Variants in SNX29 observed in about 807,000 individuals in gnomAD.
The protein encoded by SNX29 is sorting nexin-29.
In SNX29, 78 loss-of-function variants were observed where a neutral mutation model predicts 102.1. The ratio of observed to expected loss-of-function variants is 0.76; its 90% CI spans 0.64 to 0.92. SNX29 has a LOEUF of 0.92. SNX29 is among the 40% of genes least tolerant of loss of function. SNX29 has a pLI of 0.00. For missense variants in SNX29, 1,280 were observed against 1,061.7 expected (o/e 1.21, Z -2.86); for synonymous variants, 580 against 414.5 (o/e 1.40, Z -4.85).
At chr16:12,224,652 C>G (rs1290210464) in intron 14 of SNX29, among the ~76,000 whole-genome samples, 1 of 152,180 alleles carries the variant, frequency 6.6e-6, no homozygotes, top group Non-Finnish European at 1.5e-5. Context: ...TTCTAAAGAG[C>G]CTACATGTGC....
At chr16:12,135,174 T>C (rs1353862457) in intron 13 of SNX29, among the ~76,000 whole-genome samples, 1 of 152,238 alleles carries the variant, frequency 6.6e-6, no homozygotes, top group Non-Finnish European at 1.5e-5. Context: ...TTTGTTTCAC[T>C]CAGTCCACAA....
chr16:12,551,331 A>G (rs929186928), intron 20 of SNX29, among the ~76,000 whole-genome samples: 3 of 152,222 alleles, frequency 2.0e-5, no homozygotes, highest in Non-Finnish European at 4.4e-5. Context: ...CCTCAGAGAT[A>G]TGTGGAATCA....
intron 14 of SNX29, among the ~76,000 whole-genome samples, chr16:12,274,185 G>T (rs1040475133): frequency 1.2e-4 from 19 of 152,196 alleles, no homozygotes; most frequent in Non-Finnish European, 2.2e-4. Flanking sequence ...TTGCCTGGGT[G>T]TATAAGGCTC....
chr16:12,029,798 G>A, intron 4 of SNX29: 3 of 348,192 alleles, frequency 8.6e-6, no homozygotes, highest in South Asian at 6.6e-5. Context: ...CACCATGTTG[G>A]CCAGGCTGGT....
intron 19 of SNX29, among the ~76,000 whole-genome samples, chr16:12,504,404 T>G (rs1027363064): frequency 3.3e-5 from 5 of 151,564 alleles, no homozygotes; most frequent in African/African-American, 1.2e-4. Flanking sequence ...CTCTCCCCAT[T>G]TCTCCCCAAC....
rs2082132376 is a variant in SNX29, at chr16:12,356,246, G to T, written c.1866G>T (p.Gln622His). ...TAGCCAAGGAAGCCCTCGTGTCCCA[G>T]ATGAGGCAGGAGCTCATCGATCTCC... The part of the protein sequence containing the change: ...ALVAKEALVS[Q>H]MRQELIDLRG... The change falls in exon 16 of 21, where the codon CAG becomes CAT. Residue 622 changes from glutamine (Q) to histidine (H), a missense_variant. Transcript: ENST00000566228. 1 of 1,612,010 alleles carries T rather than the reference G, an allele frequency of 6.2e-7. No homozygotes were observed. The highest frequency in any genetic ancestry group is 1.3e-5 in the African/African-American group (1 of 74,894).
At chr16:12,058,189 A>C (rs1337196140) in intron 8 of SNX29, among the ~76,000 whole-genome samples, 1 of 152,166 alleles carries the variant, frequency 6.6e-6, no homozygotes, top group Non-Finnish European at 1.5e-5. Context: ...CAACTGTGTA[A>C]AGAATAGTCC....
At chr16:12,071,446 T>C (rs2051298542) in intron 10 of SNX29, among the ~76,000 whole-genome samples, 1 of 152,204 alleles carries the variant, frequency 6.6e-6, no homozygotes, top group South Asian at 2.1e-4. Flanking sequence ...CCAATGCTTG[T>C]TTTTCTCAGG....
At chr16:12,568,286 G>A (rs2079097206) in intron 20 of SNX29, among the ~76,000 whole-genome samples, 1 of 138,410 alleles carries the variant, frequency 7.2e-6, no homozygotes, top group African/African-American at 2.8e-5. Flanking sequence ...AAGCTTGGTT[G>A]GAGCCTCGGA....
At chr16:12,470,370 G>T (rs1017269304) in intron 18 of SNX29, among the ~76,000 whole-genome samples, 3 of 152,206 alleles carry the variant, frequency 2.0e-5, no homozygotes, top group African/African-American at 7.2e-5. Flanking sequence ...GGGTTTCTCT[G>T]TGGGGTCTGA....
chr16:12,501,634 A>G (rs993171087), intron 19 of SNX29, among the ~76,000 whole-genome samples: 4 of 150,218 alleles, frequency 2.7e-5, no homozygotes, highest in Non-Finnish European at 5.9e-5. Flanking sequence ...AGGCAGGAGA[A>G]TCACTTGAAC....
At chr16:12,135,812 G>C (rs2054638478) in intron 13 of SNX29, 7 of 375,942 alleles carry the variant, frequency 1.9e-5, no homozygotes, top group South Asian at 1.4e-4. Context: ...GGTTATTAGA[G>C]ATTGGAGCAC....
intron 15 of SNX29, among the ~76,000 whole-genome samples, chr16:12,279,886 G>A (rs1264983058): frequency 1.3e-5 from 2 of 152,192 alleles, no homozygotes; most frequent in African/African-American, 4.8e-5. Flanking sequence ...TTCCTCTGGG[G>A]GAACAAGGGT....
intron 15 of SNX29, among the ~76,000 whole-genome samples, chr16:12,350,343 C>T (rs963021414): frequency 1.3e-5 from 2 of 152,194 alleles, no homozygotes; most frequent in African/African-American, 2.4e-5. Context: ...ATAGCACTTA[C>T]ATCATATCAG....
chr16:12,196,444 G>A (rs763460635), intron 13 of SNX29, among the ~76,000 whole-genome samples: 7 of 152,052 alleles, frequency 4.6e-5, no homozygotes, highest in Non-Finnish European at 1.0e-4. Flanking sequence ...CACTACATAC[G>A]TATGGATCTC....
intron 14 of SNX29, among the ~76,000 whole-genome samples, chr16:12,231,657 TAGGC>T (rs2077774680): frequency 6.6e-6 from 1 of 152,256 alleles, no homozygotes; most frequent in African/African-American, 2.4e-5. Flanking sequence ...TGTGGTCTCA[TAGGC>T]AGAATTGTTG....
In SNX29 at chr16:12,243,763, C is replaced by G. The variant is rs114252944; in HGVS notation, c.1679-34170C>G. ...TGGGGGCCTGGTGGGCTCATTCACC[C>G]TCTCAGAGCACCAGGTGGCTTCTCT... is the stretch of plus-strand genomic sequence containing the variant. On this transcript the variant is annotated intron_variant, in intron 14 of 20. Coordinates refer to ENST00000566228, the MANE Select transcript of SNX29 (RefSeq NM_032167.5). 4.0e-3 allele frequency among the ~76,000 whole-genome samples: 605 copies of G among 152,332 alleles called. 4 individuals carry two copies. Among genetic ancestry groups the G allele is most frequent in the African/African-American group, 0.014 (577 of 41,572 alleles).
chr16:12,106,686 G>A (rs1036490140), intron 11 of SNX29, among the ~76,000 whole-genome samples: 2 of 147,782 alleles, frequency 1.4e-5, no homozygotes, highest in Non-Finnish European at 3.0e-5. Flanking sequence ...TCACTGTGTT[G>A]CCTAGGCTTA....
rs200433270 is a variant in SNX29 at position 12,031,076 on chromosome 16, A to AT, written c.247+3644dup. ...AGTAATTTAGATGATTCAGTTCTGT[A>AT]TTTTTTTTTTTTCTGAGACAATGTC... On this transcript the variant is annotated intron_variant, in intron 4 of 20. Coordinates refer to ENST00000566228, the MANE Select transcript of SNX29 (RefSeq NM_032167.5). Among the ~76,000 whole-genome samples the AT allele has an allele frequency of 6.5e-3, 937 of 143,860 alleles. 19 individuals are homozygous for AT. Among genetic ancestry groups the AT allele is most frequent in the East Asian group, 0.041 (203 of 4,918 alleles). The allele number at this position is 143,860 out of a possible 152,430, so 94.4% of individuals were successfully genotyped here. A position where few individuals can be genotyped will look rare whatever the true frequency, so the allele number is the denominator to read the frequency against.
Sources: allele counts gnomAD v4.1 joint callset (sites outside exome capture counted in the v4.1 genomes callset), GRCh38; gene constraint gnomAD v4.1.1; transcripts MANE v1.5; gene names NCBI Gene and HGNC (gene_info 2026-07-23, HGNC 2026-07-21).